The following NCAM2 variants were observed in gnomAD, a reference collection of about 807,000 sequenced individuals.
NCAM2 encodes the protein N-CAM-2.
NCAM2 carries 30 observed loss-of-function variants against 98.1 expected under a neutral mutation model. The observed-to-expected ratio is 0.31, with a 90% confidence interval of 0.23 to 0.41. The LOEUF is 0.41. Ranked by LOEUF, NCAM2 falls within the 10% of genes least tolerant of loss-of-function variation. The probability of loss-of-function intolerance (pLI) is 1.00; values close to 1 mark genes in which losing one functional copy is unlikely to be tolerated. For synonymous variants in NCAM2, 368 were observed against 342.4 expected, an observed-to-expected ratio of 1.07 and a Z score of -0.83; for missense variants, 867 against 1,005.8, an observed-to-expected ratio of 0.86 and a Z score of 1.87.
chr21:21,294,332 A>G (rs1244458450), intron 5 of NCAM2, among the ~76,000 whole-genome samples: 1 of 151,790 alleles, frequency 6.6e-6, no homozygotes, highest in South Asian at 2.1e-4. Flanking sequence ...TTAGTTTTAT[A>G]TTTCTATACT....
chr21:21,369,369 T>A (rs182210169), intron 8 of NCAM2, among the ~76,000 whole-genome samples: 1 of 152,010 alleles, frequency 6.6e-6, no homozygotes, highest in African/African-American at 2.4e-5. Flanking sequence ...TTTCAATCCA[T>A]GCACCAGTAA....
chr21:21,484,045 A>T (rs1456243150), intron 15 of NCAM2, among the ~76,000 whole-genome samples: 1 of 152,160 alleles, frequency 6.6e-6, no homozygotes, highest in Non-Finnish European at 1.5e-5. Context: ...TATTAAAAGT[A>T]GCACTGTGAA....
intron 1 of NCAM2, among the ~76,000 whole-genome samples, chr21:21,056,042 C>T (rs2065203251): frequency 6.6e-6 from 1 of 151,966 alleles, no homozygotes; most frequent in African/African-American, 2.4e-5. Flanking sequence ...AAACTGTTCT[C>T]TCTCTAGGTA....
intron 8 of NCAM2, among the ~76,000 whole-genome samples, chr21:21,370,012 C>T (rs1268166234): frequency 3.3e-5 from 5 of 151,788 alleles, no homozygotes; most frequent in Non-Finnish European, 7.4e-5. Flanking sequence ...AGCTAATATG[C>T]TGCAGTCATC....
intron 1 of NCAM2, among the ~76,000 whole-genome samples, chr21:21,115,989 G>GTGTGTGTGTGTC (rs796784161): frequency 1.1e-3 from 140 of 130,730 alleles, no homozygotes; most frequent in African/African-American, 3.7e-3. Flanking sequence ...GTGTGTGTGT[G>GTGTGTGTGTGTC]TGTCTGTCTG....
At chr21:21,189,583 AT>A (rs2068752758) in intron 1 of NCAM2, among the ~76,000 whole-genome samples, 1 of 152,312 alleles carries the variant, frequency 6.6e-6, no homozygotes, top group East Asian at 1.9e-4. Flanking sequence ...AATAAAAAAA[AT>A]AAATTCCAGA....
chr21:21,029,426 T>A (rs1601141084), intron 1 of NCAM2, among the ~76,000 whole-genome samples: 1 of 152,146 alleles, frequency 6.6e-6, no homozygotes, highest in Non-Finnish European at 1.5e-5. Context: ...TTTTCTGTGC[T>A]GGGATGCCTG....
At chr21:21,511,551 A>G (rs1280489328) in intron 16 of NCAM2, among the ~76,000 whole-genome samples, 1 of 151,934 alleles carries the variant, frequency 6.6e-6, no homozygotes, top group African/African-American at 2.4e-5. Flanking sequence ...TATTGCTGCA[A>G]TAAACATGGG....
At chr21:21,469,797 A>T (rs1984195000) in intron 14 of NCAM2, among the ~76,000 whole-genome samples, 1 of 152,046 alleles carries the variant, frequency 6.6e-6, no homozygotes, top group African/African-American at 2.4e-5. Context: ...AATTTTTAAA[A>T]TTTAAGATTA....
intron 8 of NCAM2, among the ~76,000 whole-genome samples, chr21:21,371,896 C>G (rs954227441): frequency 6.6e-6 from 1 of 150,560 alleles, no homozygotes; most frequent in South Asian, 2.1e-4. Context: ...CACACACGCT[C>G]TGACACAAAA....
intron 1 of NCAM2, among the ~76,000 whole-genome samples, chr21:21,107,233 A>G (rs528444680): frequency 3.9e-4 from 60 of 152,158 alleles, no homozygotes; most frequent in Admixed American, 3.8e-3. Context: ...AGTAGCTTTG[A>G]TTAATGGTTT....
At position 21,130,080 on chromosome 21, in the gene NCAM2, T is replaced by A. The variant is rs2066903958; in HGVS notation, c.55+131462T>A. Among the ~76,000 whole-genome samples the A allele has an allele frequency of 2.0e-5, 3 of 152,114 alleles. 1 individual carries two copies. The South Asian group carries it at 6.2e-4, about 31-fold the overall frequency. On this transcript the variant is annotated intron_variant, in intron 1 of 17. Coordinates refer to ENST00000400546, the MANE Select transcript of NCAM2 (RefSeq NM_004540.5). ...TCTAAATAGTGTTGTCAGTTAAATT[T>A]TAAATAAGGAACAATGAGAAAAAAA...
At chr21:21,511,276 C>G (rs1481922792) in intron 16 of NCAM2, among the ~76,000 whole-genome samples, 1 of 151,972 alleles carries the variant, frequency 6.6e-6, no homozygotes, top group Non-Finnish European at 1.5e-5. Context: ...CCCCATTCCC[C>G]CTTCCTTGTT....
At chr21:21,268,523 T>C (rs984423649) in intron 1 of NCAM2, among the ~76,000 whole-genome samples, 2 of 152,200 alleles carry the variant, frequency 1.3e-5, no homozygotes, top group African/African-American at 4.8e-5. Flanking sequence ...TGCATTCACA[T>C]TCACACACAC....
intron 8 of NCAM2, among the ~76,000 whole-genome samples, chr21:21,351,633 G>A (rs1330682222): frequency 6.6e-6 from 1 of 152,106 alleles, no homozygotes; most frequent in African/African-American, 2.4e-5. Context: ...ATATATGTGA[G>A]ATTGTATGTT....
chr21:21,129,315 T>C (rs771285481), intron 1 of NCAM2, among the ~76,000 whole-genome samples: 64 of 152,198 alleles, frequency 4.2e-4, no homozygotes, highest in Admixed American at 4.6e-4. Flanking sequence ...ATTTAATCAT[T>C]GTATTATGAT....
Position 20,998,530 on chromosome 21 carries a change from C to A in NCAM2, c.-34C>A. ...CTCTCTCCAGGGCTGGACTTAATAA[C>A]TTTGAAACTGTCCACCGGTGTCACG... On this transcript the variant is annotated 5_prime_UTR_variant, in exon 1 of 18. Coordinates refer to ENST00000400546, the MANE Select transcript of NCAM2 (RefSeq NM_004540.5). 1 of 1,609,170 alleles carries A rather than the reference C, an allele frequency of 6.2e-7. No individual in the cohort carries two copies. Among genetic ancestry groups the A allele is most frequent in the African/African-American group, 1.3e-5 (1 of 74,920 alleles).
intron 1 of NCAM2, among the ~76,000 whole-genome samples, chr21:21,267,234 G>A (rs918995943): frequency 1.3e-5 from 2 of 152,212 alleles, no homozygotes; most frequent in East Asian, 3.9e-4. Flanking sequence ...AGCATTGATT[G>A]AGAAACTTGG....
intron 15 of NCAM2, among the ~76,000 whole-genome samples, chr21:21,494,941 C>T (rs988615239): frequency 5.3e-5 from 8 of 150,846 alleles, no homozygotes; most frequent in Non-Finnish European, 1.2e-4. Context: ...CAGTTTCTTT[C>T]TTTTTCTTAT....
Sources: allele counts gnomAD v4.1 joint callset (sites outside exome capture counted in the v4.1 genomes callset), GRCh38; gene constraint gnomAD v4.1.1; transcripts MANE v1.5; gene names NCBI Gene and HGNC (gene_info 2026-07-23, HGNC 2026-07-21).